Variants in TMEM17 observed in about 807,000 individuals in gnomAD.
TMEM17 encodes the protein transmembrane protein 17.
Under a neutral mutation model 19.1 loss-of-function variants are expected in TMEM17, and 15 were observed. The ratio of observed to expected loss-of-function variants is 0.78; its 90% CI spans 0.52 to 1.21. The LOEUF (loss-of-function observed/expected upper bound fraction) is 1.21. Ranked by LOEUF, TMEM17 falls within the 50% of genes most tolerant of loss-of-function variation. The pLI, the probability that TMEM17 is intolerant of heterozygous loss-of-function variation, is 0.00. For missense variants in TMEM17, 245 were observed against 242.3 expected (o/e 1.01, Z -0.07); for synonymous variants, 103 against 86.9 (o/e 1.19, Z -1.03).
At chr2:62,491,101 A>AAAC in the TMEM17 span, 1 of 151,740 alleles carries the variant, frequency 6.6e-6, no homozygotes, top group Admixed American at 6.6e-5. Context: ...AAAAAAAAAA[A>AAAC]AAAACCTCTT....
the TMEM17 span, among the ~76,000 whole-genome samples, chr2:62,479,904 A>G: frequency 6.6e-6 from 1 of 151,590 alleles, no homozygotes; most frequent in Non-Finnish European, 1.5e-5. Context: ...AAAAAAAAAA[A>G]AAAAAAAAAG....
the TMEM17 span, among the ~76,000 whole-genome samples, chr2:62,469,082 G>A: frequency 4.6e-5 from 7 of 152,326 alleles, no homozygotes; most frequent in South Asian, 2.1e-4. Context: ...ATGTACAAAT[G>A]CATTTGATGA....
chr2:62,478,638 T>C, the TMEM17 span, among the ~76,000 whole-genome samples: 35 of 152,352 alleles, frequency 2.3e-4, no homozygotes, highest in Non-Finnish European at 3.8e-4. Flanking sequence ...TGACCTTGGG[T>C]AAGTCTGAGC....
chr2:62,484,276 TC>T, the TMEM17 span, among the ~76,000 whole-genome samples: 1 of 152,198 alleles, frequency 6.6e-6, no homozygotes, highest in African/African-American at 2.4e-5. Context: ...TAGGGGATGT[TC>T]CCATTGAACA....
chr2:62,453,740 C>G, the TMEM17 span, among the ~76,000 whole-genome samples: 1,971 of 152,304 alleles, frequency 0.013, 25 homozygotes, highest in Middle Eastern at 0.041. Context: ...TAGGCCTACA[C>G]TTGTCATTTT....
chr2:62,499,388 TC>T (rs374447586), downstream of TMEM17, among the ~76,000 whole-genome samples: 4 of 152,296 alleles, frequency 2.6e-5, no homozygotes, highest in African/African-American at 9.6e-5. Flanking sequence ...ACCTACCTAG[TC>T]CTATCTGGGA....
the TMEM17 span, among the ~76,000 whole-genome samples, chr2:62,483,774 AT>A: frequency 1.3e-5 from 2 of 151,694 alleles, no homozygotes; most frequent in Non-Finnish European, 2.9e-5. Flanking sequence ...TAATTTTTGT[AT>A]TTTTAGGAGA....
chr2:62,489,305 CG>C, the TMEM17 span, among the ~76,000 whole-genome samples: 1 of 152,160 alleles, frequency 6.6e-6, no homozygotes, highest in African/African-American at 2.4e-5. Context: ...TGAATGGAGT[CG>C]GAGGTGGAGT....
the TMEM17 span, among the ~76,000 whole-genome samples, chr2:62,494,463 A>G: frequency 6.6e-6 from 1 of 152,184 alleles, no homozygotes; most frequent in Non-Finnish European, 1.5e-5. Context: ...GTATTAATGA[A>G]TCAAGCATTT....
chr2:62,465,259 A>G, the TMEM17 span, among the ~76,000 whole-genome samples: 1 of 152,234 alleles, frequency 6.6e-6, no homozygotes, highest in Non-Finnish European at 1.5e-5. Context: ...TCACCGCCTC[A>G]GTTATAATTT....
the TMEM17 span, among the ~76,000 whole-genome samples, chr2:62,462,490 C>T: frequency 6.6e-6 from 1 of 152,212 alleles, no homozygotes; most frequent in Non-Finnish European, 1.5e-5. Flanking sequence ...CACCCCTCCC[C>T]ACTGGGCTAA....
At chr2:62,460,818 A>G in the TMEM17 span, among the ~76,000 whole-genome samples, 1 of 152,186 alleles carries the variant, frequency 6.6e-6, no homozygotes, top group Non-Finnish European at 1.5e-5. Flanking sequence ...TGCCTCATTC[A>G]ATGCTATTTT....
At chr2:62,454,952 G>A in the TMEM17 span, among the ~76,000 whole-genome samples, 4 of 152,128 alleles carry the variant, frequency 2.6e-5, no homozygotes, top group Middle Eastern at 3.2e-3. Context: ...TGATTTGCCC[G>A]CCTTGGCCTT....
At chr2:62,466,084 T>G in the TMEM17 span, among the ~76,000 whole-genome samples, 7 of 152,284 alleles carry the variant, frequency 4.6e-5, no homozygotes, top group African/African-American at 1.7e-4. Flanking sequence ...GGGTCCCCAC[T>G]ACCCTGCAGA....
the TMEM17 span, among the ~76,000 whole-genome samples, chr2:62,492,482 T>C: frequency 6.6e-6 from 1 of 152,170 alleles, no homozygotes; most frequent in Non-Finnish European, 1.5e-5. Flanking sequence ...GTAAAAGTGG[T>C]TATTGGTTTT....
the TMEM17 span, among the ~76,000 whole-genome samples, chr2:62,462,384 C>T: frequency 1.3e-5 from 2 of 152,172 alleles, no homozygotes; most frequent in African/African-American, 4.8e-5. Context: ...AAGTCACTGA[C>T]CCTCTCTGGA....
At chr2:62,492,097 A>G in the TMEM17 span, among the ~76,000 whole-genome samples, 1 of 152,166 alleles carries the variant, frequency 6.6e-6, no homozygotes, top group Non-Finnish European at 1.5e-5. Flanking sequence ...AGGCTGAGCA[A>G]TGTTCCTGCT....
At chr2:62,484,570 C>G in the TMEM17 span, among the ~76,000 whole-genome samples, 11 of 152,068 alleles carry the variant, frequency 7.2e-5, no homozygotes, top group African/African-American at 2.7e-4. Context: ...GCTAACTTCC[C>G]CAATTACATG....
chr2:62,502,786 T>C lies in TMEM17; in HGVS notation c.109A>G (p.Met37Val). 3 of 1,596,912 alleles carry C rather than the reference T, an allele frequency of 1.9e-6. 1 individual carries two copies. The highest frequency in any genetic ancestry group is 3.3e-4 in the Middle Eastern group (2 of 6,012). Residue 37 changes from methionine to valine, a missense_variant, in exon 2 of 4, where the codon ATG becomes GTG. Transcript: ENST00000335390. The part of the protein sequence containing the change: ...PESNEGPENE[M>V]VSSLALQMSL... ...ATCTGCAGTGCCAAACTGGAGACCA[T>C]TTCATTTTCTACAGAAGGAACAGAA...
Sources: allele counts gnomAD v4.1 joint callset (sites outside exome capture counted in the v4.1 genomes callset), GRCh38; gene constraint gnomAD v4.1.1; transcripts MANE v1.5; gene names NCBI Gene and HGNC (gene_info 2026-07-23, HGNC 2026-07-21).